DENND2B: variants seen among roughly 807,000 people sequenced by gnomAD.
DENND2B encodes the protein DENN domain-containing protein 2B.
Under a neutral mutation model 116.0 loss-of-function variants are expected in DENND2B, and 32 were observed. The observed-to-expected ratio is 0.28, with a 90% CI of 0.21 to 0.37. The LOEUF is 0.37. DENND2B is among the 10% of genes least tolerant of loss of function. DENND2B has a pLI of 1.00. For missense variants in DENND2B, 1,276 were observed against 1,477.7 expected, an observed-to-expected ratio of 0.86 and a Z score of 2.24; for synonymous variants, 588 against 583.9, an observed-to-expected ratio of 1.01 and a Z score of -0.10.
chr11:8,834,159 C>T (rs1329423700), intron 4 of DENND2B, among the ~76,000 whole-genome samples: 1 of 152,150 alleles, frequency 6.6e-6, no homozygotes. Flanking sequence ...GCTTTCCCAC[C>T]CTCACAGGAA....
At chr11:8,881,311 G>A (rs763477342) in intron 1 of DENND2B, among the ~76,000 whole-genome samples, 10 of 152,040 alleles carry the variant, frequency 6.6e-5, no homozygotes, top group Non-Finnish European at 1.5e-4. Flanking sequence ...AAATGTTCCT[G>A]TACTGTTCCT....
At chr11:8,841,347 CG>C (rs2062617747) in intron 3 of DENND2B, among the ~76,000 whole-genome samples, 1 of 152,024 alleles carries the variant, frequency 6.6e-6, no homozygotes, top group Non-Finnish European at 1.5e-5. Context: ...ACAAACAAAA[CG>C]TGTGTTTTTG....
At chr11:8,817,662 C>T (rs2061615295) in intron 4 of DENND2B, among the ~76,000 whole-genome samples, 2 of 152,140 alleles carry the variant, frequency 1.3e-5, no homozygotes, top group Admixed American at 6.5e-5. Context: ...CTCCTTCAGT[C>T]TGCCAGTCAT....
intron 2 of DENND2B, among the ~76,000 whole-genome samples, chr11:8,862,956 A>T (rs983222089): frequency 1.3e-5 from 2 of 152,102 alleles, no homozygotes; most frequent in Non-Finnish European, 2.9e-5. Flanking sequence ...TGAAATAGAC[A>T]AAGGCTGCTA....
At chr11:8,756,117 A>G (rs2053564708) in intron 1 of DENND2B, among the ~76,000 whole-genome samples, 1 of 152,224 alleles carries the variant, frequency 6.6e-6, no homozygotes, top group East Asian at 1.9e-4. Context: ...CATGAAAACA[A>G]CATTTGACCT....
intron 4 of DENND2B, among the ~76,000 whole-genome samples, chr11:8,722,551 C>A (rs1208902978): frequency 6.6e-6 from 1 of 152,194 alleles, no homozygotes; most frequent in African/African-American, 2.4e-5. Context: ...TAAGACACCC[C>A]CTGAAGCCTT....
chr11:8,710,415 G>A (rs1435071969), intron 11 of DENND2B, among the ~76,000 whole-genome samples: 2 of 152,074 alleles, frequency 1.3e-5, no homozygotes, highest in African/African-American at 4.8e-5. Flanking sequence ...CTACAGGCTG[G>A]CCAGGTATGG....
rs1033742296 is a variant in DENND2B, at chr11:8,857,164, G to A, written c.-156+179C>T. ...GGATACTAAAATGTCATTTATAGCC[G>A]CATACAGAATTAAGGCAAAATACCA... is the stretch of plus-strand genomic sequence containing the variant. On this transcript the variant is annotated intron_variant, in intron 3 of 6. Transcript: ENST00000524757. 3.3e-5 allele frequency among the ~76,000 whole-genome samples: 5 copies of A among 152,194 alleles called. No homozygotes were observed. In the South Asian group the frequency reaches 6.2e-4, roughly 19 times the overall value.
intron 4 of DENND2B, among the ~76,000 whole-genome samples, chr11:8,829,157 G>GT (rs1566025846): frequency 7.9e-5 from 12 of 151,036 alleles, no homozygotes; most frequent in South Asian, 2.1e-4. Context: ...TGTGTGTGTG[G>GT]TGTGTAGTAT....
chr11:8,697,464 C>T (rs2133675949), intron 17 of DENND2B, 61 bp downstream of exon 17: 1 of 1,363,770 alleles, frequency 7.3e-7, no homozygotes, highest in Non-Finnish European at 1.0e-6. Context: ...CCCTATGGGG[C>T]CCTGACCCAG....
intron 1 of DENND2B, chr11:8,766,523 T>C: frequency 1.0e-6 from 1 of 963,842 alleles, no homozygotes; most frequent in Non-Finnish European, 1.4e-6. Flanking sequence ...ACAAGCCAAA[T>C]CATTAATCCA....
chr11:8,742,588 A>C (rs1191959768), intron 2 of DENND2B, among the ~76,000 whole-genome samples: 3 of 152,252 alleles, frequency 2.0e-5, no homozygotes. Flanking sequence ...ATTTGCAGGC[A>C]AAGTGCTGAA....
chr11:8,783,701 T>G (rs1475967437), intron 1 of DENND2B, among the ~76,000 whole-genome samples: 2 of 152,188 alleles, frequency 1.3e-5, no homozygotes, highest in Admixed American at 1.3e-4. Flanking sequence ...CTAGTTAATT[T>G]CACGCAAAAA....
At position 8,904,308 on chromosome 11, in the gene DENND2B, G is replaced by A. The variant is rs1018705368; in HGVS notation, c.-256+6513C>T. Among the ~76,000 whole-genome samples the A allele has an allele frequency of 3.3e-5, 5 of 151,988 alleles. No homozygotes were observed. The East Asian group carries it at 7.7e-4, about 23-fold the overall frequency. On this transcript the variant is annotated intron_variant, in intron 1 of 22. Transcript: ENST00000534127. ...TCACATCAATGGACATACAAAAAACGTCTGAAAAACTTCAAAAATCATTCA... is the reference window on the plus strand; with the variant it reads ...TCACATCAATGGACATACAAAAAACATCTGAAAAACTTCAAAAATCATTCA...
rs149519927 is a variant in DENND2B, at chr11:8,750,636, C to A, written c.65G>T (p.Arg22Leu). ...THGAGGTKAP[R>L]GTLSRSQSVS... ...CCTTACCCACCTGCTCAGAGTCCCC[C>A]GAGGGGCTTTAGTGCCACCAGCTCC... Residue 22 changes from arginine (R) to leucine (L), a missense_variant, in exon 2 of 20, where the codon CGG (arginine) becomes CTG (leucine). Arg to Leu is a moderately radical substitution (Grantham distance 102). Around this residue, in one of 2 missense-constraint regions of DENND2B, gnomAD observed 856 missense variants for 846.6 expected, o/e 1.01. Coordinates refer to ENST00000313726, the MANE Select transcript of DENND2B (RefSeq NM_213618.2). 5.6e-6 allele frequency: 9 copies of A among 1,614,140 alleles called. No homozygotes were observed. The highest frequency in any genetic ancestry group is 7.6e-6 in the Non-Finnish European group (9 of 1,180,024).
At chr11:8,824,266 T>C (rs1305585043) in intron 4 of DENND2B, among the ~76,000 whole-genome samples, 1 of 151,640 alleles carries the variant, frequency 6.6e-6, no homozygotes, top group Admixed American at 6.6e-5. Context: ...ACTTGTGTCA[T>C]GGGGGCTTGT....
chr11:8,718,885 C>T, intron 4 of DENND2B: 3 of 994,386 alleles, frequency 3.0e-6, no homozygotes, highest in Non-Finnish European at 3.6e-6. Context: ...TAGAGTAACA[C>T]CATGGGCCGG....
chr11:8,885,115 G>A (rs1269087204), intron 1 of DENND2B, among the ~76,000 whole-genome samples: 2 of 152,190 alleles, frequency 1.3e-5, no homozygotes, highest in Non-Finnish European at 2.9e-5. Context: ...GCCATTCAGA[G>A]GCCATTTGGC....
At chr11:8,717,947 A>G in intron 4 of DENND2B, 55 bp from the exon 5 acceptor site, 1 of 1,570,616 alleles carries the variant, frequency 6.4e-7, no homozygotes, top group Admixed American at 1.9e-5. Flanking sequence ...AAACACACGA[A>G]CTCACACACA....
Sources: allele counts gnomAD v4.1 joint callset (sites outside exome capture counted in the v4.1 genomes callset), GRCh38; gene constraint gnomAD v4.1.1; regional missense constraint gnomAD v4.1.1; transcripts MANE v1.5; gene names NCBI Gene and HGNC (gene_info 2026-07-23, HGNC 2026-07-21).